Variants in SGCD observed in about 807,000 individuals in gnomAD.
The protein encoded by SGCD is sarcoglycan delta.
Under a neutral mutation model 36.6 loss-of-function variants are expected in SGCD, and 18 were observed. That is an observed-to-expected ratio of 0.49 (90% CI 0.34 to 0.73). The LOEUF (loss-of-function observed/expected upper bound fraction) is 0.73. Among genes scored for constraint, SGCD ranks in the 30% least tolerant of loss-of-function variants. The probability of loss-of-function intolerance (pLI) is 0.01; values close to 1 mark genes in which losing one functional copy is unlikely to be tolerated. For synonymous variants in SGCD, 133 were observed against 130.6 expected, an observed-to-expected ratio of 1.02 and a Z score of -0.12; for missense variants, 387 against 346.7, an observed-to-expected ratio of 1.12 and a Z score of -0.92.
intron 1 of SGCD, among the ~76,000 whole-genome samples, chr5:155,963,714 C>CA (rs1188773680): frequency 1.3e-5 from 2 of 152,058 alleles, no homozygotes; most frequent in African/African-American, 4.8e-5. Flanking sequence ...TTCATTACTT[C>CA]AAAGAACCCC....
chr5:156,324,583 C>T (rs956106485), upstream of SGCD, among the ~76,000 whole-genome samples: 2 of 152,160 alleles, frequency 1.3e-5, no homozygotes, highest in Non-Finnish European at 2.9e-5. Context: ...TCTCCAGATG[C>T]CCACATTGAA....
chr5:155,769,900 C>T, the SGCD span, among the ~76,000 whole-genome samples: 1 of 152,108 alleles, frequency 6.6e-6, no homozygotes, highest in Non-Finnish European at 1.5e-5. Flanking sequence ...CTGTCCTTTC[C>T]TACGCCCTAC....
chr5:156,647,331 G>T (rs1763266672), intron 6 of SGCD, 133 bp from the exon 7 acceptor site: 2 of 574,272 alleles, frequency 3.5e-6, no homozygotes, highest in Non-Finnish European at 6.3e-6. Context: ...GAGCTCTAAA[G>T]CCAGTGGAAA....
At chr5:156,411,725 C>T (rs1772768578) in intron 3 of SGCD, among the ~76,000 whole-genome samples, 1 of 152,096 alleles carries the variant, frequency 6.6e-6, no homozygotes, top group Admixed American at 6.5e-5. Flanking sequence ...TTCTTCTGAC[C>T]CAGAGAGGTT....
chr5:156,640,706 G>C (rs374069304), intron 6 of SGCD, among the ~76,000 whole-genome samples: 4 of 152,234 alleles, frequency 2.6e-5, no homozygotes, highest in African/African-American at 7.2e-5. Flanking sequence ...CATGTCTGAC[G>C]TAGGCTCTAC....
intron 3 of SGCD, among the ~76,000 whole-genome samples, chr5:156,382,333 T>C (rs1771028869): frequency 6.6e-6 from 1 of 152,142 alleles, no homozygotes; most frequent in Non-Finnish European, 1.5e-5. Flanking sequence ...CAAAGACCTG[T>C]AGAAGCTCAC....
rs150066107 is a variant in SGCD at position 156,648,011 on chromosome 5, A to G, written c.575+475A>G. On this transcript the variant is annotated intron_variant, in intron 7 of 8. Coordinates refer to ENST00000337851, the MANE Select transcript of SGCD (RefSeq NM_000337.6). ...TGCTGATGTTAATCTTCAAATATTC[A>G]TAAATGTGCTGCCTTAGCAGAGGAT... 1.2e-3 allele frequency among the ~76,000 whole-genome samples: 183 copies of G among 152,294 alleles called. 1 individual carries two copies. Among genetic ancestry groups the G allele is most frequent in the African/African-American group, 4.1e-3 (172 of 41,572 alleles).
intron 6 of SGCD, among the ~76,000 whole-genome samples, chr5:156,604,412 C>G (rs545673722): frequency 6.6e-6 from 1 of 151,876 alleles, no homozygotes; most frequent in Non-Finnish European, 1.5e-5. Flanking sequence ...TAGGTGAGAA[C>G]TTACTCCTCC....
At position 156,055,013 on chromosome 5, in the gene SGCD, T is replaced by C. The variant is rs542820027; in HGVS notation, c.-281-62865T>C. 2.5e-4 allele frequency among the ~76,000 whole-genome samples: 37 copies of C among 146,362 alleles called. 2 individuals are homozygous for C. The highest frequency in any genetic ancestry group is 7.5e-4 in the Admixed American group (11 of 14,684). Reference sequence around the variant, plus strand: ...AGGAAGCTGTTTTAAGCCCACCCTGTCCCTGTTGTGTGTGACAGGGAGCCA... The same window carrying C: ...AGGAAGCTGTTTTAAGCCCACCCTGCCCCTGTTGTGTGTGACAGGGAGCCA... On this transcript the variant is annotated intron_variant, in intron 1 of 9. Coordinates refer to the SGCD transcript ENST00000517913.
chr5:155,809,296 G>C, the SGCD span, among the ~76,000 whole-genome samples: 2 of 152,174 alleles, frequency 1.3e-5, no homozygotes, highest in African/African-American at 4.8e-5. Context: ...ACACCTTGAA[G>C]CATTTTTATC....
At chr5:155,799,080 C>G in the SGCD span, among the ~76,000 whole-genome samples, 1 of 152,020 alleles carries the variant, frequency 6.6e-6, no homozygotes, top group African/African-American at 2.4e-5. Context: ...CATTATTGTC[C>G]AAGGGACAAA....
chr5:156,665,075 G>A (rs536895724), intron 7 of SGCD, among the ~76,000 whole-genome samples: 14 of 151,636 alleles, frequency 9.2e-5, no homozygotes, highest in Non-Finnish European at 1.9e-4. Flanking sequence ...GGTGCTGGGG[G>A]CATTCCTGGA....
At chr5:156,401,279 G>A (rs62380753) in intron 3 of SGCD, among the ~76,000 whole-genome samples, 28,247 of 152,158 alleles carry the variant, frequency 0.19, 2,799 homozygotes, top group Middle Eastern at 0.28. Context: ...TGAGGCTGAT[G>A]ACGAGACAGA....
At chr5:156,537,976 T>C (rs1238406223) in intron 4 of SGCD, among the ~76,000 whole-genome samples, 1 of 152,142 alleles carries the variant, frequency 6.6e-6, no homozygotes. Context: ...TTATATATCT[T>C]TTCCTTGCAG....
At chr5:155,835,682 C>T in the SGCD span, among the ~76,000 whole-genome samples, 1 of 152,126 alleles carries the variant, frequency 6.6e-6, no homozygotes, top group Non-Finnish European at 1.5e-5. Flanking sequence ...CCAATTTTTG[C>T]CATTTTTTTC....
intron 1 of SGCD, among the ~76,000 whole-genome samples, chr5:155,899,912 C>T (rs773752669): frequency 3.3e-5 from 5 of 152,102 alleles, no homozygotes; most frequent in Non-Finnish European, 5.9e-5. Flanking sequence ...TCCAAAAAGT[C>T]CTAATGAGAA....
At chr5:156,491,647 A>G (rs1329133383) in intron 3 of SGCD, among the ~76,000 whole-genome samples, 1 of 152,158 alleles carries the variant, frequency 6.6e-6, no homozygotes, top group Non-Finnish European at 1.5e-5. Context: ...ATAAAGGTAA[A>G]TCTTTTAAGA....
intron 3 of SGCD, among the ~76,000 whole-genome samples, chr5:156,194,357 C>T (rs756771647): frequency 4.0e-5 from 6 of 151,072 alleles, no homozygotes; most frequent in Admixed American, 1.3e-4. Flanking sequence ...TCAGCCTGAG[C>T]GACAGAGCAA....
chr5:156,479,477 A>T (rs939183546), intron 3 of SGCD, among the ~76,000 whole-genome samples: 3 of 152,184 alleles, frequency 2.0e-5, no homozygotes, highest in Admixed American at 6.5e-5. Context: ...CTGAGTTTCC[A>T]TGTGGGTGCC....
Sources: allele counts gnomAD v4.1 joint callset (sites outside exome capture counted in the v4.1 genomes callset), GRCh38; gene constraint gnomAD v4.1.1; transcripts MANE v1.5; gene names NCBI Gene and HGNC (gene_info 2026-07-23, HGNC 2026-07-21).